Variants in HSP90AA1 observed in about 807,000 individuals in gnomAD.
HSP90AA1 encodes the protein heat shock protein 90 alpha family class A member 1.
A neutral mutation model predicts 73.3 loss-of-function variants in HSP90AA1; 18 were observed. The observed-to-expected ratio is 0.25, with a 90% CI of 0.17 to 0.36. The LOEUF is 0.36. Among genes scored for constraint, HSP90AA1 ranks in the 10% least tolerant of loss-of-function variants. The probability of loss-of-function intolerance (pLI) is 1.00; values close to 1 mark genes in which losing one functional copy is unlikely to be tolerated. For missense variants in HSP90AA1, 704 were observed against 874.2 expected, an observed-to-expected ratio of 0.81 and a Z score of 2.45; for synonymous variants, 477 against 296.9, an observed-to-expected ratio of 1.61 and a Z score of -6.24.
chr14:102,095,132 C>G (rs536230134), intron 2 of HSP90AA1, among the ~76,000 whole-genome samples: 81 of 152,232 alleles, frequency 5.3e-4, no homozygotes, highest in Non-Finnish European at 6.2e-4. Context: ...GAACAGGATG[C>G]TGGGAACATG....
At chr14:102,108,849 C>T (rs1385344581) in intron 1 of HSP90AA1, among the ~76,000 whole-genome samples, 2 of 152,096 alleles carry the variant, frequency 1.3e-5, no homozygotes, top group African/African-American at 4.8e-5. Context: ...ATTTGTAACT[C>T]TTATCTGATT....
chr14:102,085,014 C>T lies in HSP90AA1; in HGVS notation c.664-16G>A, dbSNP rs917089243. 4.3e-6 allele frequency: 7 copies of T among 1,613,816 alleles called. No homozygotes were observed. The highest frequency in any genetic ancestry group is 2.2e-5 in the South Asian group (2 of 91,072). On this transcript the variant is annotated splice_polypyrimidine_tract_variant and intron_variant, in intron 4 of 10. Transcript: ENST00000216281. The stretch of plus-strand genomic sequence containing the variant: ...CCTTCTCCACCTTCAAAAGAAAACA[C>T]GAAATCACATCACTGCTGCACTCCA...
At chr14:102,086,907 C>CA (rs971412864) in intron 1 of HSP90AA1, 79 bp downstream of exon 1, 1 of 849,494 alleles carries the variant, frequency 1.2e-6, no homozygotes, top group African/African-American at 1.8e-5. Context: ...GTCCGGCCCC[C>CA]ACAGCCTCCG....
chr14:102,085,162 T>C (rs972003092), intron 4 of HSP90AA1, 136 bp downstream of exon 4: 1 of 1,445,116 alleles, frequency 6.9e-7, no homozygotes, highest in African/African-American at 1.4e-5. Context: ...CCGAGGAACT[T>C]TTACAGAGTT....
At chr14:102,085,275 T>A in intron 4 of HSP90AA1, 23 bp downstream of exon 4, 1 of 1,606,750 alleles carries the variant, frequency 6.2e-7, no homozygotes, top group Non-Finnish European at 8.5e-7. Flanking sequence ...AGAAATTCAC[T>A]CTGCAATTAC....
intron 8 of HSP90AA1, 66 bp downstream of exon 8, chr14:102,083,480 A>G: frequency 6.6e-7 from 1 of 1,519,806 alleles, no homozygotes; most frequent in Non-Finnish European, 9.1e-7. Flanking sequence ...TGAGTAGAAA[A>G]CACACCCACA....
At chr14:102,104,288 C>A (rs2049533949) in intron 1 of HSP90AA1, among the ~76,000 whole-genome samples, 1 of 152,136 alleles carries the variant, frequency 6.6e-6, no homozygotes. Context: ...TGGCTCACTG[C>A]AACCTCTGCC....
chr14:102,139,384 C>T, exon 1 of HSP90AA1: 4 of 1,583,688 alleles, frequency 2.5e-6, no homozygotes, highest in Non-Finnish European at 3.4e-6. Flanking sequence ...TGGAGCCGTC[C>T]CCGCCCGAAC....
chr14:102,089,744 C>G (rs1338391536), upstream of HSP90AA1, among the ~76,000 whole-genome samples: 1 of 152,160 alleles, frequency 6.6e-6, no homozygotes, highest in African/African-American at 2.4e-5. Flanking sequence ...AGGTCACTGA[C>G]TATCCCACCT....
rs568297390 is a variant in HSP90AA1 at position 102,104,784 on chromosome 14, T to G, written c.156-2699A>C. ...CAGCCTCTGATAACCATCATTCTAC[T>G]CTCTACCTCTTTTTTAGCTCTCACA... On this transcript the variant is annotated intron_variant, in intron 1 of 11. Transcript: ENST00000334701. Among the ~76,000 whole-genome samples, 4 of 152,082 alleles carry G rather than the reference T, an allele frequency of 2.6e-5. No individual in the cohort carries two copies. The South Asian group carries it at 8.3e-4, about 32-fold the overall frequency.
rs746867083 is a variant in HSP90AA1, at chr14:102,085,876, A to T, written c.411T>A (p.Gly137=). ...DISMIGQFGV[G]FYSAYLVAEK... The stretch of plus-strand genomic sequence containing the variant: ...CAGCAACCAAATAAGCAGAATAAAA[A>T]CCAACACCGAACTGGCCAATCATAG... Residue 137 remains glycine (G), a synonymous_variant, in exon 3 of 11, where the codon GGT becomes GGA. Transcript: ENST00000216281. 5.0e-6 allele frequency: 8 copies of T among 1,613,938 alleles called. No individual in the cohort carries two copies. The East Asian group carries it at 6.7e-5, about 13-fold the overall frequency.
Position 102,083,934 on chromosome 14 carries a change from G to A in HSP90AA1, c.1197C>T (p.Ser399=). The A allele has an allele frequency of 6.2e-7, 1 of 1,613,808 alleles. No individual in the cohort carries two copies. The highest frequency in any genetic ancestry group is 1.7e-5 in the Admixed American group (1 of 60,010). Residue 399 remains serine (S), a synonymous_variant, in exon 7 of 11, where the codon TCC becomes TCT. Coordinates refer to ENST00000216281, the MANE Select transcript of HSP90AA1 (RefSeq NM_005348.4). ...VDSEDLPLNI[S]REMLQQSKIL... ...TTTTGCTTTGTTGCAACATCTCACG[G>A]GATATGTTTAGAGGGAGATCCTCCG... is the stretch of plus-strand genomic sequence containing the variant.
intron 1 of HSP90AA1, among the ~76,000 whole-genome samples, chr14:102,130,145 A>G (rs2049890707): frequency 6.6e-6 from 1 of 150,954 alleles, no homozygotes; most frequent in South Asian, 2.1e-4. Context: ...TAATTTTTGT[A>G]TTTTTAGTAC....
upstream of HSP90AA1, chr14:102,087,144 A>T: frequency 2.0e-6 from 2 of 982,432 alleles, no homozygotes; most frequent in Non-Finnish European, 2.4e-6. Flanking sequence ...AACCCTCCCC[A>T]GCCGCCGCCG....
At chr14:102,130,310 T>C (rs115316879) in intron 1 of HSP90AA1, among the ~76,000 whole-genome samples, 2,283 of 152,278 alleles carry the variant, frequency 0.015, 63 homozygotes, top group African/African-American at 0.052. Context: ...ATACATACGA[T>C]TGGAATTGCT....
Position 102,087,029 on chromosome 14 carries a change from G to C in HSP90AA1, c.-44C>G. 1.0e-6 allele frequency: 1 copy of C among 985,346 alleles called. No individual in the cohort carries two copies. Among genetic ancestry groups the C allele is most frequent in the Non-Finnish European group, 1.2e-6 (1 of 830,114 alleles). 61.0% of individuals were successfully genotyped at this position (985,346 alleles called of 1,614,324 possible). A position where few individuals can be genotyped will look rare whatever the true frequency, so the allele number is the denominator to read the frequency against. ...CAGGACCAACGGCACAGCCACACCG[G>C]GACGCTGAAGCAACTGACGCGCCAC... On this transcript the variant is annotated 5_prime_UTR_variant, in exon 1 of 11. Transcript: ENST00000216281.
At position 102,081,682 on chromosome 14, in the gene HSP90AA1, T is replaced by G. The variant is rs760463855; in HGVS notation, c.*30A>C. 1 of 892,974 alleles carries G rather than the reference T, an allele frequency of 1.1e-6. No homozygotes were observed. Among genetic ancestry groups the G allele is most frequent in the Non-Finnish European group, 1.9e-6 (1 of 520,852 alleles). 55.3% of individuals were successfully genotyped at this position (892,974 alleles called of 1,614,324 possible). On this transcript the variant is annotated 3_prime_UTR_variant, in exon 11 of 11. Coordinates refer to ENST00000216281, the MANE Select transcript of HSP90AA1 (RefSeq NM_005348.4). ...TATTATCAGAGGAATTGTAGAGTAC[T>G]GAACAGGTAAGTCATCCCTCAGCCA...
chr14:102,115,244 A>T (rs2049691921), intron 1 of HSP90AA1, among the ~76,000 whole-genome samples: 1 of 152,122 alleles, frequency 6.6e-6, no homozygotes, highest in East Asian at 1.9e-4. Flanking sequence ...GTGAGCCAAA[A>T]TCATACCACT....
At chr14:102,135,131 G>A (rs1185696074) in intron 1 of HSP90AA1, among the ~76,000 whole-genome samples, 1 of 150,586 alleles carries the variant, frequency 6.6e-6, no homozygotes, top group African/African-American at 2.5e-5. Flanking sequence ...CCTTGAGCTA[G>A]ATACAGAGTG....
Sources: allele counts gnomAD v4.1 joint callset (sites outside exome capture counted in the v4.1 genomes callset), GRCh38; gene constraint gnomAD v4.1.1; transcripts MANE v1.5; gene names NCBI Gene and HGNC (gene_info 2026-07-23, HGNC 2026-07-21).